Variants in CCL17 observed in about 807,000 individuals in gnomAD.
CCL17 encodes the protein C-C motif chemokine 17.
A neutral mutation model predicts 7.4 loss-of-function variants in CCL17; 8 were observed. The ratio of observed to expected loss-of-function variants is 1.09; its 90% CI spans 0.64 to 1.96. The LOEUF (loss-of-function observed/expected upper bound fraction) is 1.96, where lower values mean the gene tolerates loss of function less well. Among genes scored for constraint, CCL17 ranks in the 30% most tolerant of loss-of-function variants. The pLI is 0.00. For synonymous variants in CCL17, 40 were observed against 46.1 expected (o/e 0.87, Z 0.54); for missense variants, 102 against 113.0 (o/e 0.90, Z 0.44).
chr16:57,402,113 G>A (rs1177012651), upstream of CCL17, among the ~76,000 whole-genome samples: 6 of 152,242 alleles, frequency 3.9e-5, no homozygotes, highest in African/African-American at 1.2e-4. Flanking sequence ...CAGCTGAGGT[G>A]CTGGTTCTTC....
At chr16:57,402,469 C>T (rs939028205), upstream of CCL17, among the ~76,000 whole-genome samples, 3 of 152,200 alleles carry the variant, frequency 2.0e-5, no homozygotes, top group Non-Finnish European at 4.4e-5. Context: ...ACAATCCCCC[C>T]ACCCCGACTG....
Position 57,404,811 on chromosome 16 carries a change from G to A in CCL17, c.-85G>A, listed in dbSNP as rs1902670558. The A allele has an allele frequency of 6.5e-6, 1 of 154,404 alleles. No homozygotes were observed. Among genetic ancestry groups the A allele is most frequent in the African/African-American group, 2.4e-5 (1 of 41,516 alleles). 9.6% of individuals were successfully genotyped at this position (154,404 alleles called of 1,614,324 possible). On this transcript the variant is annotated 5_prime_UTR_variant, in exon 1 of 4. Coordinates refer to ENST00000219244, the MANE Select transcript of CCL17 (RefSeq NM_002987.3). ...TGAGCTCACAGTGTCACCGCCTGCTGATGGGAGAGCTGAATTCAAAACCAG... is the reference window on the plus strand; with the variant it reads ...TGAGCTCACAGTGTCACCGCCTGCTAATGGGAGAGCTGAATTCAAAACCAG...
chr16:57,413,046 G>C (rs1355877755), intron 1 of CCL17, among the ~76,000 whole-genome samples: 1 of 152,204 alleles, frequency 6.6e-6, no homozygotes, highest in Admixed American at 6.5e-5. Context: ...GGCTCAGGCT[G>C]GACCCTGACC....
chr16:57,414,039 G>A (rs41390949), intron 2 of CCL17, 37 bp downstream of exon 2: 48,786 of 1,563,338 alleles, frequency 0.031, 1,155 homozygotes, highest in East Asian at 0.096. Context: ...GGCAGGCACC[G>A]GGAGGACAGG....
intron 1 of CCL17, among the ~76,000 whole-genome samples, chr16:57,406,535 CT>C (rs1296534583): frequency 2.0e-5 from 3 of 152,134 alleles, no homozygotes; most frequent in Admixed American, 6.5e-5. Context: ...TGAGATTCCC[CT>C]GCCCCAACAC....
At chr16:57,401,276 C>T (rs1378021859), upstream of CCL17, among the ~76,000 whole-genome samples, 2 of 151,976 alleles carry the variant, frequency 1.3e-5, no homozygotes, top group Non-Finnish European at 2.9e-5. Context: ...GTAATCCTAG[C>T]ACTTTGGGAG....
intron 1 of CCL17, among the ~76,000 whole-genome samples, chr16:57,412,089 G>A (rs1001182339): frequency 2.6e-5 from 4 of 152,228 alleles, no homozygotes; most frequent in African/African-American, 7.2e-5. Context: ...ATGTTGGTGC[G>A]AGGCCCACCA....
chr16:57,398,049 G>T, the CCL17 span, among the ~76,000 whole-genome samples: 1 of 152,218 alleles, frequency 6.6e-6, no homozygotes, highest in Non-Finnish European at 1.5e-5. Context: ...AAAGTAGCAG[G>T]GCTGAGGGCC....
rs557595356 is a variant in CCL17, at chr16:57,415,619, T to C, written c.189-146T>C. The C allele has an allele frequency of 5.8e-4, 359 of 623,470 alleles. 5 individuals are homozygous for C. The South Asian group carries it at 6.6e-3, about 11-fold the overall frequency. The allele number at this position is 623,470 out of a possible 1,614,324, so 38.6% of individuals were successfully genotyped here. On this transcript the variant is annotated intron_variant, in intron 3 of 3. Transcript: ENST00000219244. The surrounding 1 kb of genome is among the most constrained non-coding windows in gnomAD (Gnocchi z 4.5). ...TCGGGACAGAGCCTGAAGTCCCAGA[T>C]CTGCCACCAATGCCCTGTGTGACAG...
chr16:57,407,845 C>T (rs1455175274), intron 1 of CCL17, among the ~76,000 whole-genome samples: 2 of 151,722 alleles, frequency 1.3e-5, no homozygotes, highest in Non-Finnish European at 2.9e-5. Flanking sequence ...TTCATCTACC[C>T]ATCCATCCAT....
chr16:57,413,966 C>T lies in CCL17; in HGVS notation c.34C>T (p.Leu12Phe), dbSNP rs1043058320. The change falls in exon 2 of 4, where the codon CTC becomes TTC. Residue 12 changes from leucine (L) to phenylalanine (F), a missense_variant. Physicochemically the swap from Leu to Phe is conservative, Grantham distance 22 (BLOSUM62 0). Transcript: ENST00000219244. ...ACTGAAGATGCTGGCCCTGGTCACC[C>T]TCCTCCTGGGGGCTTCTCTGCAGCA... ...APLKMLALVT[L>F]LLGASLQHIH... 7.4e-6 allele frequency: 12 copies of T among 1,611,312 alleles called. No individual in the cohort carries two copies. The highest frequency in any genetic ancestry group is 1.0e-5 in the Non-Finnish European group (12 of 1,178,962).
the CCL17 span, among the ~76,000 whole-genome samples, chr16:57,397,986 G>A: frequency 0.014 from 2,149 of 152,250 alleles, 55 homozygotes; most frequent in African/African-American, 0.048. Flanking sequence ...GCATAAGTCT[G>A]GGCTGCAATT....
chr16:57,407,824 C>CCATT (rs1184540681), intron 1 of CCL17, among the ~76,000 whole-genome samples: 1 of 151,950 alleles, frequency 6.6e-6, no homozygotes, highest in African/African-American at 2.4e-5. Context: ...GTCTGTCCAT[C>CCATT]CATTCATTCA....
At chr16:57,411,576 T>A (rs926787356) in intron 1 of CCL17, among the ~76,000 whole-genome samples, 1 of 152,256 alleles carries the variant, frequency 6.6e-6, no homozygotes, top group Non-Finnish European at 1.5e-5. Flanking sequence ...ATTAATCAGC[T>A]GTCCCTTGCA....
At chr16:57,402,194 C>T (rs1359410620), upstream of CCL17, among the ~76,000 whole-genome samples, 4 of 152,232 alleles carry the variant, frequency 2.6e-5, no homozygotes, top group Non-Finnish European at 5.9e-5. Flanking sequence ...CACAGCCCTT[C>T]CCAATACCCT....
chr16:57,411,146 A>G (rs1478732359), intron 1 of CCL17, among the ~76,000 whole-genome samples: 9 of 152,110 alleles, frequency 5.9e-5, no homozygotes, highest in African/African-American at 2.2e-4. Context: ...GCAGCCTTCC[A>G]CGAATTCTGG....
the CCL17 span, among the ~76,000 whole-genome samples, chr16:57,398,906 C>T: frequency 1.3e-5 from 2 of 152,208 alleles, no homozygotes; most frequent in African/African-American, 4.8e-5. Flanking sequence ...TGAGAGCTAT[C>T]CCTAAACCTT....
At chr16:57,396,506 G>A in the CCL17 span, among the ~76,000 whole-genome samples, 10 of 152,124 alleles carry the variant, frequency 6.6e-5, no homozygotes, top group African/African-American at 1.9e-4. Context: ...AGAAAAAATC[G>A]TTTTGTATCT....
rs1185805067 is a variant in CCL17 at position 57,415,831 on chromosome 16, T to TA, written c.258dup (p.Tyr87IlefsTer6). ...ACAACAAGAGAGTGAAGAATGCAGTTAAATACCTGCAAAGCCTTGAGAGGT... is the reference window on the plus strand; with the variant it reads ...ACAACAAGAGAGTGAAGAATGCAGTTAAAATACCTGCAAAGCCTTGAGAGGT... On this transcript the variant is annotated frameshift_variant, in exon 4 of 4. Coordinates refer to ENST00000219244, the MANE Select transcript of CCL17 (RefSeq NM_002987.3). LOFTEE classifies it low-confidence loss of function (END_TRUNC). This position sits in a 1 kb window ranked among gnomAD's most constrained non-coding sequence, Gnocchi z 4.5. 6.2e-7 allele frequency: 1 copy of TA among 1,612,400 alleles called. No homozygotes were observed.
Sources: gnomAD v4.1 joint callset for allele counts (sites outside exome capture counted in the v4.1 genomes callset) on GRCh38, gnomAD v4.1.1 for gene constraint, Gnocchi (gnomAD v3.1) non-coding constraint, MANE v1.5 for transcripts, NCBI Gene and HGNC (gene_info 2026-07-23, HGNC 2026-07-21) for gene names.